RPTOR: variants seen among roughly 807,000 people sequenced by gnomAD.
The protein encoded by RPTOR is regulatory associated protein of MTOR complex 1.
A neutral mutation model predicts 169.9 loss-of-function variants in RPTOR; 21 were observed. That is an observed-to-expected ratio of 0.12 (90% confidence interval 0.09 to 0.18). The LOEUF (loss-of-function observed/expected upper bound fraction) is 0.18. RPTOR is among the 10% of genes least tolerant of loss of function. RPTOR has a pLI of 1.00. For synonymous variants in RPTOR, 732 were observed against 753.2 expected (o/e 0.97, Z 0.46); for missense variants, 1,133 against 1,855.9 (o/e 0.61, Z 7.16).
At chr17:80,594,565 C>T (rs576845354) in intron 1 of RPTOR, among the ~76,000 whole-genome samples, 13 of 152,332 alleles carry the variant, frequency 8.5e-5, no homozygotes, top group Admixed American at 3.3e-4. Flanking sequence ...CACGGAGCAA[C>T]GCTGTTGCAG....
chr17:80,840,516 A>ACG (rs2067621450), intron 10 of RPTOR, among the ~76,000 whole-genome samples: 1 of 100,948 alleles, frequency 9.9e-6, no homozygotes. Flanking sequence ...AGCTCACACC[A>ACG]CGGCAGCTCA....
At chr17:80,887,133 C>T (rs989783041) in intron 17 of RPTOR, among the ~76,000 whole-genome samples, 2 of 151,906 alleles carry the variant, frequency 1.3e-5, no homozygotes, top group Non-Finnish European at 2.9e-5. Context: ...AGCGAGGAGT[C>T]AGAGAAAGAC....
intron 3 of RPTOR, among the ~76,000 whole-genome samples, chr17:80,681,719 C>T (rs1401106093): frequency 1.0e-5 from 1 of 96,342 alleles, no homozygotes; most frequent in Non-Finnish European, 2.0e-5. Context: ...ATGAGGTGTA[C>T]GTCTCTTACA....
chr17:80,875,642 T>G (rs1307874535), intron 13 of RPTOR, among the ~76,000 whole-genome samples: 1 of 152,152 alleles, frequency 6.6e-6, no homozygotes, highest in Non-Finnish European at 1.5e-5. Flanking sequence ...GTGCTGTTCA[T>G]CTGAGCCCCG....
At chr17:80,888,966 C>T (rs1325434953) in intron 17 of RPTOR, among the ~76,000 whole-genome samples, 1 of 152,158 alleles carries the variant, frequency 6.6e-6, no homozygotes, top group Non-Finnish European at 1.5e-5. Context: ...GGCGTGGGCA[C>T]AAGAGGCCAG....
Position 80,842,259 on chromosome 17 carries a change from C to T in RPTOR, c.1213-4214C>T, listed in dbSNP as rs117698083. 2.2e-3 allele frequency among the ~76,000 whole-genome samples: 330 copies of T among 152,348 alleles called. 1 individual carries two copies. The highest frequency in any genetic ancestry group is 5.6e-3 in the Admixed American group (86 of 15,308). On this transcript the variant is annotated intron_variant, in intron 10 of 33. Coordinates refer to ENST00000306801, the MANE Select transcript of RPTOR (RefSeq NM_020761.3). ...CCTCCCTTTGAAATGTCGATATCTT[C>T]TTCAGTATGGATTTTTGTATTAATT...
intron 13 of RPTOR, among the ~76,000 whole-genome samples, chr17:80,877,130 C>T (rs368438906): frequency 6.6e-6 from 1 of 152,144 alleles, no homozygotes; most frequent in African/African-American, 2.4e-5. Flanking sequence ...TGCCGTTCTG[C>T]GCGTGTGTGG....
Position 80,963,076 on chromosome 17 carries a change from GGGGGTCGGGGGTC to G in RPTOR, c.3939+24_3939+36del. The G allele has an allele frequency of 1.5e-6, 2 of 1,341,000 alleles. No individual in the cohort carries two copies. The highest frequency in any genetic ancestry group is 2.1e-6 in the Non-Finnish European group (2 of 966,344). 83.1% of individuals were successfully genotyped at this position (1,341,000 alleles called of 1,614,324 possible). A position where few individuals can be genotyped will look rare whatever the true frequency, so the allele number is the denominator to read the frequency against. ...GCACTGGGTCAGTGTGGCGGTGGGT[GGGGGTCGGGGGTC>G]GGGGGCTGGGGTAGAGGGATGGGAG... is the stretch of plus-strand genomic sequence containing the variant. On this transcript the variant is annotated intron_variant, in intron 33 of 33. Transcript: ENST00000306801.
intron 2 of RPTOR, among the ~76,000 whole-genome samples, chr17:80,634,392 CGTGTGCATACCGTGTGTGT>C (rs1567830801): frequency 2.2e-4 from 8 of 35,762 alleles, no homozygotes; most frequent in Middle Eastern, 0.023. Flanking sequence ...ATACTGTGTG[CGTGTGCATACCGTGTGTGT>C]GTGCATACCG....
intron 1 of RPTOR, among the ~76,000 whole-genome samples, chr17:80,579,178 A>G (rs2064992565): frequency 6.6e-6 from 1 of 151,794 alleles, no homozygotes; most frequent in South Asian, 2.1e-4. Flanking sequence ...TCTTTTATTT[A>G]TTTATTTGTT....
chr17:80,710,508 T>A (rs1213772688), intron 4 of RPTOR, among the ~76,000 whole-genome samples: 1 of 152,072 alleles, frequency 6.6e-6, no homozygotes, highest in Non-Finnish European at 1.5e-5. Flanking sequence ...AAAGTACAAT[T>A]CTTAATTTGG....
intron 9 of RPTOR, among the ~76,000 whole-genome samples, chr17:80,830,690 C>T (rs543346614): frequency 3.3e-5 from 5 of 151,784 alleles, no homozygotes; most frequent in East Asian, 3.9e-4. Context: ...GAGGTGAGAT[C>T]GCAGGTGCAC....
At chr17:80,799,303 C>G (rs561506869) in intron 7 of RPTOR, among the ~76,000 whole-genome samples, 2 of 152,344 alleles carry the variant, frequency 1.3e-5, no homozygotes, top group South Asian at 4.1e-4. Context: ...AACCCCACCA[C>G]AACACAGCAC....
intron 3 of RPTOR, among the ~76,000 whole-genome samples, chr17:80,667,521 A>G (rs1447266635): frequency 6.6e-6 from 1 of 152,138 alleles, no homozygotes; most frequent in Non-Finnish European, 1.5e-5. Context: ...TTTCTTGACT[A>G]TTTTGACTTA....
At chr17:80,961,083 G>T (rs538049649) in intron 30 of RPTOR, 5 of 401,660 alleles carry the variant, frequency 1.2e-5, no homozygotes, top group Admixed American at 4.1e-5. Flanking sequence ...GCCTGGGAGC[G>T]CTGCGATGGC....
At chr17:80,940,981 G>A (rs2069018897) in intron 25 of RPTOR, among the ~76,000 whole-genome samples, 1 of 152,214 alleles carries the variant, frequency 6.6e-6, no homozygotes, top group Non-Finnish European at 1.5e-5. Context: ...TTCCGGAAGG[G>A]AAGGCCTCTG....
At chr17:80,862,283 T>C (rs1472863410) in intron 13 of RPTOR, among the ~76,000 whole-genome samples, 4 of 152,124 alleles carry the variant, frequency 2.6e-5, no homozygotes, top group African/African-American at 9.7e-5. Flanking sequence ...TGAGGGGCAT[T>C]TTGAAGTGTT....
intron 1 of RPTOR, among the ~76,000 whole-genome samples, chr17:80,590,340 G>A (rs1456055307): frequency 2.6e-5 from 4 of 151,102 alleles, no homozygotes; most frequent in Admixed American, 1.3e-4. Context: ...GCAGGTATGC[G>A]CACATGCATG....
intron 3 of RPTOR, among the ~76,000 whole-genome samples, chr17:80,661,797 G>T (rs1405216157): frequency 6.6e-6 from 1 of 151,890 alleles, no homozygotes; most frequent in African/African-American, 2.4e-5. Flanking sequence ...TATCCATCCA[G>T]TGGTTCCAAG....
Sources: allele counts gnomAD v4.1 joint callset (sites outside exome capture counted in the v4.1 genomes callset), GRCh38; gene constraint gnomAD v4.1.1; transcripts MANE v1.5; gene names NCBI Gene and HGNC (gene_info 2026-07-23, HGNC 2026-07-21).